Variants in LEMD1 observed in about 807,000 individuals in gnomAD.
The protein encoded by LEMD1 is LEM domain containing 1.
LEMD1 carries 18 observed loss-of-function variants against 17.4 expected under a neutral mutation model. The observed-to-expected ratio is 1.04, with a 90% confidence interval of 0.72 to 1.54. The LOEUF is 1.54. Ranked by LOEUF, LEMD1 falls within the 40% of genes most tolerant of loss-of-function variation. LEMD1 has a pLI of 0.00. For synonymous variants in LEMD1, 88 were observed against 77.8 expected, an observed-to-expected ratio of 1.13 and a Z score of -0.69; for missense variants, 195 against 210.4, an observed-to-expected ratio of 0.93 and a Z score of 0.45.
intron 4 of LEMD1, among the ~76,000 whole-genome samples, chr1:205,405,530 T>C (rs9729750): frequency 0.16 from 17,744 of 110,494 alleles, 2,122 homozygotes; most frequent in African/African-American, 0.21. Flanking sequence ...AAGTAGTTCT[T>C]GAGCCTTGGC....
intron 4 of LEMD1, among the ~76,000 whole-genome samples, chr1:205,411,306 G>A (rs1196536560): frequency 6.6e-6 from 1 of 151,604 alleles, no homozygotes; most frequent in African/African-American, 2.4e-5. Flanking sequence ...AGTGGCTCAC[G>A]CCTGTAATCC....
chr1:205,418,469 A>C (rs1409709877), intron 3 of LEMD1, among the ~76,000 whole-genome samples: 1 of 152,158 alleles, frequency 6.6e-6, no homozygotes, highest in Non-Finnish European at 1.5e-5. Flanking sequence ...GTTGTCATAT[A>C]AATCAGGAGG....
intron 5 of LEMD1, 68 bp from the exon 6 acceptor site, chr1:205,381,924 G>C: frequency 2.0e-6 from 3 of 1,514,788 alleles, no homozygotes; most frequent in Non-Finnish European, 1.8e-6. Flanking sequence ...CCCTTAAAGT[G>C]TGTGGGTCTT....
intron 4 of LEMD1, among the ~76,000 whole-genome samples, 177 bp downstream of exon 4, chr1:205,416,055 A>G (rs1307478132): frequency 5.3e-5 from 8 of 152,172 alleles, no homozygotes; most frequent in African/African-American, 1.4e-4. Context: ...CTGCTAGATC[A>G]TGGAAATTTT....
chr1:205,384,415 A>G (rs1663888167), intron 4 of LEMD1, 51 bp from the exon 5 acceptor site: 2 of 1,187,742 alleles, frequency 1.7e-6, no homozygotes, highest in Non-Finnish European at 1.1e-6. Context: ...AATGTCTTAT[A>G]CAAATAACCT....
Position 205,419,237 on chromosome 1 carries a change from G to T in LEMD1, c.198C>A (p.Asp66Glu), listed in dbSNP as rs760767068. ...TACAGCTTATGGCGGTACCTTCGCT[G>T]TCATCACTGTCCTGCGCTCCATCCA... is the stretch of plus-strand genomic sequence containing the variant. Reference protein sequence around the residue: ...RELDGAQDSDDSEELNIILQG... With the variant: ...RELDGAQDSDESEELNIILQG... The change falls in exon 3 of 6, where the codon GAC (aspartate) becomes GAA (glutamate). Residue 66 changes from aspartate (D) to glutamate (E), a missense_variant. Asp to Glu is a conservative substitution (Grantham distance 45, BLOSUM62 2). Coordinates refer to ENST00000367153, the MANE Select transcript of LEMD1 (RefSeq NM_001199050.2). 5.8e-5 allele frequency: 94 copies of T among 1,613,922 alleles called. No individual in the cohort carries two copies. The highest frequency in any genetic ancestry group is 4.9e-4 in the Middle Eastern group (3 of 6,082).
intron 1 of LEMD1, among the ~76,000 whole-genome samples, chr1:205,431,687 C>T (rs923543165): frequency 6.6e-6 from 1 of 152,150 alleles, no homozygotes; most frequent in Admixed American, 6.5e-5. Context: ...TGGGGCAAAG[C>T]CAGGAGAACA....
chr1:205,424,497 A>G (rs1423886302), upstream of LEMD1, among the ~76,000 whole-genome samples: 2 of 152,230 alleles, frequency 1.3e-5, no homozygotes, highest in African/African-American at 4.8e-5. Context: ...AGAGGAGACT[A>G]CAAAGATGCA....
intron 1 of LEMD1, among the ~76,000 whole-genome samples, chr1:205,434,044 T>A (rs1460148933): frequency 6.6e-6 from 1 of 152,294 alleles, no homozygotes; most frequent in East Asian, 1.9e-4. Context: ...GGATATATAA[T>A]CACATACATG....
intron 4 of LEMD1, among the ~76,000 whole-genome samples, chr1:205,393,287 G>A (rs990541805): frequency 2.0e-5 from 3 of 151,788 alleles, no homozygotes; most frequent in Non-Finnish European, 2.9e-5. Flanking sequence ...TTGATATAAT[G>A]ATGTCATAAG....
intron 4 of LEMD1, among the ~76,000 whole-genome samples, chr1:205,407,351 G>C (rs992007101): frequency 5.4e-5 from 8 of 148,558 alleles, no homozygotes; most frequent in African/African-American, 2.0e-4. Flanking sequence ...AAAAAAAAAG[G>C]ATTTGAACTT....
rs1326917296 is a variant in LEMD1, at chr1:205,430,664, G to A, written c.-38-10090C>T. On this transcript the variant is annotated intron_variant, in intron 1 of 3. Transcript: ENST00000367154. ...GTGCAAAGTGGCCAAAGGAAGAGCCGGTCTTCCACACGCACACCTCCGCGC... is the reference window on the plus strand; with the variant it reads ...GTGCAAAGTGGCCAAAGGAAGAGCCAGTCTTCCACACGCACACCTCCGCGC... Among the ~76,000 whole-genome samples the A allele has an allele frequency of 1.3e-5, 2 of 152,106 alleles. 1 individual carries two copies. The highest frequency in any genetic ancestry group is 4.1e-4 in the South Asian group (2 of 4,822).
At chr1:205,410,388 G>T (rs1336114718) in intron 4 of LEMD1, among the ~76,000 whole-genome samples, 4 of 152,118 alleles carry the variant, frequency 2.6e-5, no homozygotes, top group African/African-American at 9.7e-5. Flanking sequence ...GAGATCCAGG[G>T]GTGGAAACTC....
chr1:205,425,872 C>T (rs1280194184), upstream of LEMD1, among the ~76,000 whole-genome samples: 1 of 152,016 alleles, frequency 6.6e-6, no homozygotes, highest in Admixed American at 6.6e-5. Context: ...TTCAATAATC[C>T]AAATTAGTAA....
At chr1:205,385,860 G>C (rs1475540670) in intron 4 of LEMD1, 1 of 152,302 alleles carries the variant, frequency 6.6e-6, no homozygotes, top group African/African-American at 2.4e-5. Context: ...TGCAGACAGT[G>C]AGTCAGGAAC....
At chr1:205,405,594 T>A (rs1014987824) in intron 4 of LEMD1, among the ~76,000 whole-genome samples, 1 of 150,146 alleles carries the variant, frequency 6.7e-6, no homozygotes, top group Non-Finnish European at 1.5e-5. Context: ...ATTCTAGTTA[T>A]ACATTCATCT....
intron 4 of LEMD1, among the ~76,000 whole-genome samples, chr1:205,411,431 T>G (rs1482599297): frequency 1.3e-5 from 2 of 151,552 alleles, no homozygotes; most frequent in Non-Finnish European, 2.9e-5. Context: ...GGCGGGCGCA[T>G]GTAGTCCCAG....
intron 1 of LEMD1, among the ~76,000 whole-genome samples, chr1:205,439,956 T>C (rs1666265829): frequency 6.6e-6 from 1 of 151,136 alleles, no homozygotes. Context: ...AGCTGGAAGG[T>C]TGGCGGGGGT....
chr1:205,427,866 A>T (rs1355302566), intron 1 of LEMD1, among the ~76,000 whole-genome samples: 1 of 152,258 alleles, frequency 6.6e-6, no homozygotes, highest in African/African-American at 2.4e-5. Context: ...GCCTTCTAGC[A>T]GCCATACAGA....
Sources: gnomAD v4.1 joint callset for allele counts (sites outside exome capture counted in the v4.1 genomes callset) on GRCh38, gnomAD v4.1.1 for gene constraint, MANE v1.5 for transcripts, NCBI Gene and HGNC (gene_info 2026-07-23, HGNC 2026-07-21) for gene names.